The following PACSIN2 variants were observed in gnomAD, a reference collection of about 807,000 sequenced individuals.
PACSIN2 encodes the protein protein kinase C and casein kinase substrate in neurons protein 2.
PACSIN2 carries 25 observed loss-of-function variants against 63.8 expected under a neutral mutation model. The ratio of observed to expected loss-of-function variants is 0.39; its 90% confidence interval spans 0.29 to 0.55. PACSIN2 has a LOEUF of 0.55. Among genes scored for constraint, PACSIN2 ranks in the 20% least tolerant of loss-of-function variants. PACSIN2 has a pLI of 0.62. For synonymous variants in PACSIN2, 255 were observed against 256.2 expected (o/e 1.00, Z 0.05); for missense variants, 518 against 646.9 (o/e 0.80, Z 2.16).
chr22:42,997,820 G>A (rs530014580), intron 1 of PACSIN2, among the ~76,000 whole-genome samples: 1 of 152,262 alleles, frequency 6.6e-6, no homozygotes, highest in East Asian at 1.9e-4. Context: ...GGTGGAGGAT[G>A]CAGTGAGCTG....
chr22:42,878,826 C>T (rs1010908370), intron 8 of PACSIN2, among the ~76,000 whole-genome samples: 1 of 152,224 alleles, frequency 6.6e-6, no homozygotes, highest in Non-Finnish European at 1.5e-5. Flanking sequence ...GCTCTGGCAC[C>T]AGGCAGGAAG....
At chr22:42,899,859 C>T (rs1005022648) in intron 2 of PACSIN2, among the ~76,000 whole-genome samples, 1 of 152,110 alleles carries the variant, frequency 6.6e-6, no homozygotes, top group African/African-American at 2.4e-5. Context: ...GGGCATGATG[C>T]CATTTACATC....
chr22:42,992,688 C>G (rs1316656382), intron 1 of PACSIN2, among the ~76,000 whole-genome samples: 1 of 152,204 alleles, frequency 6.6e-6, no homozygotes, highest in African/African-American at 2.4e-5. Context: ...ATAGCATCTT[C>G]ATTTGTGATT....
At chr22:42,969,952 C>T (rs1921125743) in intron 1 of PACSIN2, among the ~76,000 whole-genome samples, 1 of 151,690 alleles carries the variant, frequency 6.6e-6, no homozygotes, top group African/African-American at 2.4e-5. Flanking sequence ...CTAGAATGAC[C>T]CCCCGTTTCA....
At chr22:43,008,358 C>T (rs1170864433) in intron 1 of PACSIN2, among the ~76,000 whole-genome samples, 2 of 152,096 alleles carry the variant, frequency 1.3e-5, no homozygotes, top group African/African-American at 2.4e-5. Flanking sequence ...TCAAGCCATT[C>T]GCCTGCCTCA....
At chr22:42,968,466 G>T (rs941062789) in intron 1 of PACSIN2, among the ~76,000 whole-genome samples, 7 of 152,206 alleles carry the variant, frequency 4.6e-5, no homozygotes, top group East Asian at 1.9e-4. Flanking sequence ...GATGGGAAAA[G>T]AAATAGGTAG....
rs1928891297 is a variant in PACSIN2 at position 42,879,224 on chromosome 22, C to T, written c.907-55G>A. On this transcript the variant is annotated intron_variant, in intron 7 of 10. Transcript: ENST00000263246. ...CAAAGGTTCACTACTTGCTGGAAGC[C>T]ACGTCTGTCCTCAGTTCCTGCCCAG... 7 of 1,583,126 alleles carry T rather than the reference C, an allele frequency of 4.4e-6. No individual in the cohort carries two copies. In the East Asian group the frequency reaches 1.6e-4, roughly 36 times the overall value.
intron 1 of PACSIN2, among the ~76,000 whole-genome samples, chr22:42,982,888 A>AAAAAAAAAAACAAC (rs759532303): frequency 4.8e-5 from 5 of 105,158 alleles, no homozygotes; most frequent in Non-Finnish European, 1.0e-4. Context: ...AAAAAAAAAA[A>AAAAAAAAAAACAAC]AACAACAACA....
At position 42,975,467 on chromosome 22, in the gene PACSIN2, T is replaced by C. The variant is rs1377496742; in HGVS notation, c.-78+39554A>G. On this transcript the variant is annotated intron_variant, in intron 1 of 10. Coordinates refer to ENST00000263246, the MANE Select transcript of PACSIN2 (RefSeq NM_001184970.3). The stretch of plus-strand genomic sequence containing the variant: ...TAAAAAATATATACAAATATATATA[T>C]ATATAGCATGCACACAATGAAAAAT... Among the ~76,000 whole-genome samples, 4 of 149,118 alleles carry C rather than the reference T, an allele frequency of 2.7e-5. No homozygotes were observed. In the Admixed American group the frequency reaches 2.7e-4, roughly 10 times the overall value.
intron 5 of PACSIN2, among the ~76,000 whole-genome samples, chr22:42,887,331 G>C (rs1285323425): frequency 6.6e-6 from 1 of 152,198 alleles, no homozygotes; most frequent in Non-Finnish European, 1.5e-5. Context: ...ATATGTATGG[G>C]CTTGAGGTCA....
intron 1 of PACSIN2, among the ~76,000 whole-genome samples, chr22:42,972,121 A>G (rs1038969701): frequency 6.6e-6 from 1 of 152,228 alleles, no homozygotes. Flanking sequence ...GTCTGTGTGG[A>G]AAGAAGTAGA....
intron 1 of PACSIN2, among the ~76,000 whole-genome samples, chr22:42,930,931 A>G (rs938225021): frequency 6.6e-6 from 1 of 152,234 alleles, no homozygotes; most frequent in Non-Finnish European, 1.5e-5. Flanking sequence ...GACACCAAGG[A>G]AAGGCAGAGG....
chr22:42,871,322 C>G lies in PACSIN2; in HGVS notation c.*35G>C. 7.2e-7 allele frequency: 1 copy of G among 1,386,002 alleles called. No individual in the cohort carries two copies. The highest frequency in any genetic ancestry group is 2.3e-5 in the East Asian group (1 of 43,880). 85.9% of individuals were successfully genotyped at this position (1,386,002 alleles called of 1,614,324 possible). A position where few individuals can be genotyped will look rare whatever the true frequency, so the allele number is the denominator to read the frequency against. On this transcript the variant is annotated 3_prime_UTR_variant, in exon 11 of 11. Transcript: ENST00000263246. The surrounding 1 kb of genome is among the most constrained non-coding windows in gnomAD (Gnocchi z 5.4). ...GGCTGGCTGAGGCTCCTGGGCCCGC[C>G]GCCTCCGTCCCCCCGCTGGCCTGTC...
At chr22:43,014,718 C>A (rs1401387441) in intron 1 of PACSIN2, among the ~76,000 whole-genome samples, 1 of 151,808 alleles carries the variant, frequency 6.6e-6, no homozygotes, top group Admixed American at 6.5e-5. Context: ...AGGCCCCGGA[C>A]CCCGGAAAAC....
intron 1 of PACSIN2, among the ~76,000 whole-genome samples, chr22:42,981,557 T>G (rs1366818646): frequency 3.8e-5 from 4 of 106,274 alleles, no homozygotes; most frequent in African/African-American, 1.1e-4. Flanking sequence ...GGCCGCCCCG[T>G]CCGGGAGGTG....
intron 7 of PACSIN2, among the ~76,000 whole-genome samples, chr22:42,881,405 A>T (rs1165292666): frequency 6.6e-6 from 1 of 152,178 alleles, no homozygotes; most frequent in African/African-American, 2.4e-5. Flanking sequence ...GTCAGAGGTG[A>T]GCAGAATCTG....
chr22:42,887,203 G>GT (rs1234206120), intron 5 of PACSIN2, among the ~76,000 whole-genome samples: 1 of 152,256 alleles, frequency 6.6e-6, no homozygotes, highest in Non-Finnish European at 1.5e-5. Flanking sequence ...AGCAATGGGA[G>GT]TGAGAGGGGT....
At chr22:42,961,679 A>C (rs1008050539) in intron 1 of PACSIN2, among the ~76,000 whole-genome samples, 1 of 152,124 alleles carries the variant, frequency 6.6e-6, no homozygotes, top group Non-Finnish European at 1.5e-5. Flanking sequence ...AGGCTGAGGC[A>C]CGAGAATCGC....
chr22:42,981,574 G>T (rs1240393955), intron 1 of PACSIN2, among the ~76,000 whole-genome samples: 1 of 118,794 alleles, frequency 8.4e-6, no homozygotes. Flanking sequence ...GGTGAGGGGC[G>T]CCTCTGCCCG....
Sources: gnomAD v4.1 joint callset for allele counts (sites outside exome capture counted in the v4.1 genomes callset) on GRCh38, gnomAD v4.1.1 for gene constraint, Gnocchi (gnomAD v3.1) non-coding constraint, MANE v1.5 for transcripts, NCBI Gene and HGNC (gene_info 2026-07-23, HGNC 2026-07-21) for gene names.